OR3A2: variants seen among roughly 807,000 people sequenced by gnomAD.
OR3A2 encodes olfactory receptor 3A2.
For synonymous variants in OR3A2, 126 were observed against 159.3 expected, an observed-to-expected ratio of 0.79 and a Z score of 1.57; for missense variants, 318 against 392.8, an observed-to-expected ratio of 0.81 and a Z score of 1.61.
intron 3 of OR3A2, among the ~76,000 whole-genome samples, chr17:3,321,808 C>T (rs1043455399): frequency 6.6e-6 from 1 of 152,066 alleles, no homozygotes; most frequent in Non-Finnish European, 1.5e-5. Flanking sequence ...ATTTTTGCAT[C>T]AATGTTCATC....
At chr17:3,315,242 A>G (rs1037256559) in intron 3 of OR3A2, among the ~76,000 whole-genome samples, 30 of 152,184 alleles carry the variant, frequency 2.0e-4, no homozygotes, top group African/African-American at 7.0e-4. Context: ...CTCTGTTTTA[A>G]GTTCTTTGAG....
intron 2 of OR3A2, among the ~76,000 whole-genome samples, chr17:3,342,122 T>C (rs995938596): frequency 6.6e-6 from 1 of 152,198 alleles, no homozygotes; most frequent in African/African-American, 2.4e-5. Context: ...CATCAGGTCA[T>C]TTAAAGTCTT....
At chr17:3,373,786 T>C (rs1007975697) in intron 2 of OR3A2, among the ~76,000 whole-genome samples, 20 of 152,206 alleles carry the variant, frequency 1.3e-4, no homozygotes. Flanking sequence ...CTTAGGCCAT[T>C]TACATTCAAT....
At chr17:3,371,082 TC>T (rs953841451) in intron 2 of OR3A2, among the ~76,000 whole-genome samples, 1 of 151,764 alleles carries the variant, frequency 6.6e-6, no homozygotes, top group African/African-American at 2.4e-5. Flanking sequence ...CCCTTTCTAT[TC>T]CACAAAACCA....
At chr17:3,306,656 G>T (rs2049002384) in intron 3 of OR3A2, among the ~76,000 whole-genome samples, 1 of 138,270 alleles carries the variant, frequency 7.2e-6, no homozygotes, top group South Asian at 2.4e-4. Flanking sequence ...GAGTGCAGGG[G>T]ATCACTGTGC....
At chr17:3,324,706 C>T (rs893771104) in intron 3 of OR3A2, among the ~76,000 whole-genome samples, 1 of 152,016 alleles carries the variant, frequency 6.6e-6, no homozygotes, top group African/African-American at 2.4e-5. Flanking sequence ...GCTGCCTGAT[C>T]GTTCCTTTGG....
chr17:3,301,410 TG>T (rs2048964868), intron 3 of OR3A2, among the ~76,000 whole-genome samples: 1 of 152,174 alleles, frequency 6.6e-6, no homozygotes, highest in Non-Finnish European at 1.5e-5. Flanking sequence ...GGTATCTCAT[TG>T]TGGTTTTGAT....
At chr17:3,358,649 G>A (rs911404401) in intron 2 of OR3A2, among the ~76,000 whole-genome samples, 1 of 151,600 alleles carries the variant, frequency 6.6e-6, no homozygotes, top group Non-Finnish European at 1.5e-5. Context: ...AGTATGTTTG[G>A]TATGGTTTTG....
chr17:3,336,335 C>G (rs2049274403), intron 2 of OR3A2, among the ~76,000 whole-genome samples: 1 of 151,992 alleles, frequency 6.6e-6, no homozygotes, highest in African/African-American at 2.4e-5. Flanking sequence ...TAAAAAATCA[C>G]AAAAGAAAAC....
chr17:3,373,270 C>T (rs1405749256), intron 2 of OR3A2, among the ~76,000 whole-genome samples: 4 of 152,122 alleles, frequency 2.6e-5, no homozygotes, highest in Admixed American at 2.0e-4. Flanking sequence ...GTATATTCTG[C>T]AGTTGTTAGG....
upstream of OR3A2, among the ~76,000 whole-genome samples, chr17:3,288,604 AT>A (rs61452734): frequency 2.8e-3 from 429 of 152,348 alleles, 2 homozygotes; most frequent in African/African-American, 8.5e-3. Flanking sequence ...CAAATTAAAA[AT>A]AATACAGTAT....
intron 2 of OR3A2, among the ~76,000 whole-genome samples, chr17:3,366,051 G>A (rs230475): frequency 6.6e-6 from 1 of 151,888 alleles, no homozygotes; most frequent in Non-Finnish European, 1.5e-5. Flanking sequence ...GTTCACTCAA[G>A]AGTCAAAATA....
At chr17:3,347,732 T>C (rs1012636529) in intron 2 of OR3A2, among the ~76,000 whole-genome samples, 3 of 152,224 alleles carry the variant, frequency 2.0e-5, no homozygotes, top group African/African-American at 7.2e-5. Context: ...TATAGAAGCA[T>C]GATTTATAGT....
At chr17:3,315,389 A>G (rs1989039) in intron 3 of OR3A2, among the ~76,000 whole-genome samples, 23,014 of 152,066 alleles carry the variant, frequency 0.15, 2,308 homozygotes, top group African/African-American at 0.28. Flanking sequence ...TCTGACTGGT[A>G]TGAAGTGGTG....
intron 2 of OR3A2, among the ~76,000 whole-genome samples, chr17:3,348,707 C>T (rs2049391516): frequency 6.6e-6 from 1 of 151,974 alleles, no homozygotes; most frequent in African/African-American, 2.4e-5. Flanking sequence ...TCGAGAAGAG[C>T]AACTCCAAAA....
At chr17:3,317,953 A>G (rs549632530) in intron 3 of OR3A2, among the ~76,000 whole-genome samples, 1 of 151,468 alleles carries the variant, frequency 6.6e-6, no homozygotes, top group African/African-American at 2.4e-5. Context: ...CCACACTGGG[A>G]GACAGCATGA....
rs1334168842 is a variant in OR3A2 at position 3,311,036 on chromosome 17, C to T, written c.-85+24997G>A. On this transcript the variant is annotated intron_variant, in intron 3 of 4. Transcript: ENST00000573491. The surrounding 1 kb of genome is among the most constrained non-coding windows in gnomAD (Gnocchi z 4.6). ...CAGAGGGCAGAAAGAAAGCCTTCTC[C>T]ACGTGTAGTTCCCACCTCACTGTGG... The T allele has an allele frequency of 1.8e-6, 1 of 546,550 alleles. No homozygotes were observed. Among genetic ancestry groups the T allele is most frequent in the Non-Finnish European group, 3.7e-6 (1 of 268,106 alleles). 33.9% of individuals were successfully genotyped at this position (546,550 alleles called of 1,614,324 possible). A position where few individuals can be genotyped will look rare whatever the true frequency, so the allele number is the denominator to read the frequency against.
intron 2 of OR3A2, among the ~76,000 whole-genome samples, chr17:3,362,741 A>G (rs2049529068): frequency 6.6e-6 from 1 of 151,690 alleles, no homozygotes; most frequent in African/African-American, 2.4e-5. Context: ...AGCAGAGGTT[A>G]TCCGTGATGG....
intron 3 of OR3A2, chr17:3,291,733 T>A (rs781197464): frequency 6.2e-7 from 1 of 1,613,850 alleles, no homozygotes; most frequent in Non-Finnish European, 8.5e-7. Flanking sequence ...ATGGGATTGA[T>A]GACAGTGTTG....
Sources: allele counts gnomAD v4.1 joint callset (sites outside exome capture counted in the v4.1 genomes callset), GRCh38; gene constraint gnomAD v4.1.1; non-coding constraint Gnocchi (gnomAD v3.1); transcripts MANE v1.5; gene names NCBI Gene and HGNC (gene_info 2026-07-23, HGNC 2026-07-21).